RYR2: variants seen among roughly 807,000 people sequenced by gnomAD.
RYR2 encodes the protein cardiac muscle ryanodine receptor-calcium release channel.
Under a neutral mutation model 601.1 loss-of-function variants are expected in RYR2, and 227 were observed. The ratio of observed to expected loss-of-function variants is 0.38; its 90% CI spans 0.34 to 0.42. The LOEUF (loss-of-function observed/expected upper bound fraction) is 0.42. RYR2 is among the 10% of genes least tolerant of loss of function. The pLI is 1.00. For synonymous variants in RYR2, 2,223 were observed against 2,175.1 expected (o/e 1.02, Z -0.61); for missense variants, 4,646 against 6,156.5 (o/e 0.75, Z 8.21).
At chr1:237,305,429 C>G (rs1049513018) in intron 2 of RYR2, among the ~76,000 whole-genome samples, 2 of 152,122 alleles carry the variant, frequency 1.3e-5, no homozygotes, top group Admixed American at 6.5e-5. Context: ...AAGGGCAGAA[C>G]TCAGCAAATT....
intron 17 of RYR2, among the ~76,000 whole-genome samples, chr1:237,485,525 C>A (rs551652982): frequency 6.6e-6 from 1 of 152,248 alleles, no homozygotes; most frequent in East Asian, 1.9e-4. Context: ...AAAGACTCAC[C>A]AAATGAGGTA....
At chr1:237,636,478 T>A (rs1370425681) in intron 44 of RYR2, among the ~76,000 whole-genome samples, 1 of 152,206 alleles carries the variant, frequency 6.6e-6, no homozygotes, top group Non-Finnish European at 1.5e-5. Context: ...AATCTTTTAA[T>A]CTACACACTC....
intron 38 of RYR2, among the ~76,000 whole-genome samples, chr1:237,621,055 C>A (rs1002752044): frequency 9.2e-5 from 14 of 152,028 alleles, no homozygotes; most frequent in Non-Finnish European, 5.9e-5. Flanking sequence ...AAGTTGAAAT[C>A]ATACACATTT....
chr1:237,813,237 G>A, intron 100 of RYR2, among the ~76,000 whole-genome samples: 1 of 152,108 alleles, frequency 6.6e-6, no homozygotes, highest in Non-Finnish European at 1.5e-5. Flanking sequence ...TGACTTCCAG[G>A]AAATTCAGTT....
intron 1 of RYR2, among the ~76,000 whole-genome samples, chr1:237,170,120 G>A (rs1210255158): frequency 7.3e-5 from 11 of 150,636 alleles, no homozygotes; most frequent in African/African-American, 2.7e-4. Flanking sequence ...TTGTTGTAAA[G>A]AAAAAAAAGA....
rs777179393 is a variant in RYR2, at chr1:237,832,645, T to TAA, written c.14904_*1dup. ...GAAACAGTATGAAGACCAGCTAAAT[T>TAA]AAACTCAGACCCAATCACCTCTAAA... ...FRKQYEDQLN[*] is the part of the protein sequence containing the mutation. The change falls in exon 105 of 105, where the codon TAA becomes TAAAA. Residue 4968 remains the stop codon, a frameshift_variant and stop_retained_variant. Coordinates refer to ENST00000366574, the MANE Select transcript of RYR2 (RefSeq NM_001035.3). LOFTEE classifies it high-confidence loss of function. The TAA allele has an allele frequency of 1.0e-5, 16 of 1,604,252 alleles. No homozygotes were observed. Among genetic ancestry groups the TAA allele is most frequent in the Admixed American group, 6.7e-5 (4 of 59,728 alleles).
chr1:237,453,405 C>A (rs1658436013), intron 14 of RYR2, among the ~76,000 whole-genome samples: 2 of 152,116 alleles, frequency 1.3e-5, no homozygotes, highest in African/African-American at 4.8e-5. Context: ...TTTTTTAAAA[C>A]TATAAAGTTC....
chr1:237,322,543 T>A (rs766847881), intron 2 of RYR2, among the ~76,000 whole-genome samples: 1 of 152,178 alleles, frequency 6.6e-6, no homozygotes, highest in African/African-American at 2.4e-5. Flanking sequence ...AAGAAACCTA[T>A]GAATGGATTC....
chr1:237,145,031 A>G (rs563987754), intron 1 of RYR2, among the ~76,000 whole-genome samples: 1 of 151,782 alleles, frequency 6.6e-6, no homozygotes, highest in Non-Finnish European at 1.5e-5. Context: ...GAACGCATGG[A>G]CACAGGGAGG....
intron 28 of RYR2, 78 bp from the exon 29 acceptor site, chr1:237,569,067 A>T: frequency 7.7e-7 from 1 of 1,296,274 alleles, no homozygotes; most frequent in Admixed American, 2.2e-5. Context: ...GACTGCTGTT[A>T]GGTCGTGACA....
intron 34 of RYR2, among the ~76,000 whole-genome samples, chr1:237,600,939 T>G (rs910311726): frequency 2.6e-5 from 4 of 152,014 alleles, no homozygotes; most frequent in Non-Finnish European, 4.4e-5. Flanking sequence ...CAAAAGATAA[T>G]AAGCATTGGC....
Position 237,121,864 on chromosome 1 carries a change from G to C in RYR2, c.48+79295G>C, listed in dbSNP as rs186973123. Reference sequence around the variant, plus strand: ...ATAAAAATTTAGATGTGGTGTATTTGATAAAGTCTCTCTTAGTATCCTTAT... The same window carrying C: ...ATAAAAATTTAGATGTGGTGTATTTCATAAAGTCTCTCTTAGTATCCTTAT... On this transcript the variant is annotated intron_variant, in intron 1 of 104. Coordinates refer to ENST00000366574, the MANE Select transcript of RYR2 (RefSeq NM_001035.3). Among the ~76,000 whole-genome samples, 11 of 152,320 alleles carry C rather than the reference G, an allele frequency of 7.2e-5. No individual in the cohort carries two copies. The East Asian group carries it at 2.1e-3, about 29-fold the overall frequency.
intron 1 of RYR2, among the ~76,000 whole-genome samples, chr1:237,162,515 T>C (rs1034779090): frequency 2.7e-4 from 41 of 151,982 alleles, no homozygotes; most frequent in Non-Finnish European, 1.8e-4. Context: ...AAAAAATTGG[T>C]TTTGCAATCC....
intron 1 of RYR2, among the ~76,000 whole-genome samples, chr1:237,063,715 G>A (rs1663179903): frequency 6.6e-6 from 1 of 151,962 alleles, no homozygotes; most frequent in Admixed American, 6.6e-5. Flanking sequence ...CCGTTGTCCT[G>A]CTTGCCATGC....
chr1:237,809,114 C>A, intron 100 of RYR2, 79 bp downstream of exon 100: 2 of 1,272,682 alleles, frequency 1.6e-6, no homozygotes, highest in Non-Finnish European at 2.2e-6. Flanking sequence ...TATTTATTCT[C>A]TAACAGTACA....
In RYR2 at chr1:237,790,041, G is replaced by A. The variant is rs575693939; in HGVS notation, c.13477-1388G>A. On this transcript the variant is annotated intron_variant, in intron 92 of 104. Transcript: ENST00000366574. Reference sequence around the variant, plus strand: ...TACACAGAGGGGAATATCATTCTGAGGTGTTACATTTTGATGTAGCTTTAT... The same window carrying A: ...TACACAGAGGGGAATATCATTCTGAAGTGTTACATTTTGATGTAGCTTTAT... Among the ~76,000 whole-genome samples, 5 of 152,244 alleles carry A rather than the reference G, an allele frequency of 3.3e-5. No homozygotes were observed. In the South Asian group the frequency reaches 1.0e-3, roughly 32 times the overall value.
chr1:237,611,781 T>C (rs1677897195), intron 36 of RYR2, among the ~76,000 whole-genome samples: 1 of 152,174 alleles, frequency 6.6e-6, no homozygotes, highest in Admixed American at 6.5e-5. Context: ...TGAAGCCAGG[T>C]CCATTTTTAT....
At chr1:237,087,761 C>A (rs937132180) in intron 1 of RYR2, among the ~76,000 whole-genome samples, 1 of 152,144 alleles carries the variant, frequency 6.6e-6, no homozygotes, top group African/African-American at 2.4e-5. Context: ...CTACATTCCC[C>A]CCTCCACAGT....
intron 49 of RYR2, among the ~76,000 whole-genome samples, chr1:237,649,569 A>G (rs1192073605): frequency 6.6e-6 from 1 of 152,128 alleles, no homozygotes; most frequent in African/African-American, 2.4e-5. Flanking sequence ...CATCTGTGAT[A>G]TTATTGTCTT....
Sources: gnomAD v4.1 joint callset for allele counts (sites outside exome capture counted in the v4.1 genomes callset) on GRCh38, gnomAD v4.1.1 for gene constraint, MANE v1.5 for transcripts, NCBI Gene and HGNC (gene_info 2026-07-23, HGNC 2026-07-21) for gene names.